Variants in GLI3 observed in about 807,000 individuals in gnomAD.
GLI3 encodes transcription activator GLI3.
A neutral mutation model predicts 100.8 loss-of-function variants in GLI3; 20 were observed. The observed-to-expected ratio is 0.20, with a 90% CI of 0.14 to 0.29. The LOEUF (loss-of-function observed/expected upper bound fraction) is 0.29. GLI3 is among the 10% of genes least tolerant of loss of function. The probability of loss-of-function intolerance (pLI) is 1.00; values close to 1 mark genes in which losing one functional copy is unlikely to be tolerated. For missense variants in GLI3, 2,040 were observed against 2,128.5 expected, an observed-to-expected ratio of 0.96 and a Z score of 0.82; for synonymous variants, 938 against 860.5, an observed-to-expected ratio of 1.09 and a Z score of -1.58.
At chr7:42,089,778 CTT>C (rs1227111082) in intron 3 of GLI3, among the ~76,000 whole-genome samples, 3 of 152,216 alleles carry the variant, frequency 2.0e-5, no homozygotes, top group Admixed American at 2.0e-4. Context: ...GCTAGTAAGA[CTT>C]AACTCTGTTG....
At chr7:42,142,566 T>C (rs1376540856) in intron 3 of GLI3, among the ~76,000 whole-genome samples, 1 of 152,098 alleles carries the variant, frequency 6.6e-6, no homozygotes, top group African/African-American at 2.4e-5. Flanking sequence ...CCCAGTTTCA[T>C]TCACTATCTC....
At chr7:42,117,293 T>G (rs1785883643) in intron 3 of GLI3, among the ~76,000 whole-genome samples, 1 of 152,220 alleles carries the variant, frequency 6.6e-6, no homozygotes, top group South Asian at 2.1e-4. Flanking sequence ...CCTGGATGCC[T>G]CTTTGAGCAA....
chr7:41,990,839 T>C (rs957733363), intron 10 of GLI3, among the ~76,000 whole-genome samples: 11 of 151,598 alleles, frequency 7.3e-5, no homozygotes, highest in South Asian at 4.2e-4. Context: ...GAACTTTCCA[T>C]TGGCAATTAA....
intron 4 of GLI3, among the ~76,000 whole-genome samples, chr7:42,059,161 T>C (rs1489107525): frequency 6.6e-6 from 1 of 152,190 alleles, no homozygotes; most frequent in East Asian, 1.9e-4. Context: ...AAATGGCAGA[T>C]GACAACTTGT....
chr7:42,075,236 T>C (rs932182177), intron 4 of GLI3, among the ~76,000 whole-genome samples: 4 of 152,144 alleles, frequency 2.6e-5, no homozygotes, highest in South Asian at 4.1e-4. Context: ...TTTTAAAAAA[T>C]TGCTCTAGAA....
At chr7:42,249,505 G>A (rs763928006) in intron 1 of GLI3, among the ~76,000 whole-genome samples, 7 of 152,166 alleles carry the variant, frequency 4.6e-5, no homozygotes, top group Non-Finnish European at 1.0e-4. Context: ...GAAAAGGGGT[G>A]AGAGGTTCAA....
intron 1 of GLI3, among the ~76,000 whole-genome samples, chr7:42,250,424 A>T (rs186788666): frequency 3.2e-4 from 49 of 152,328 alleles, no homozygotes; most frequent in African/African-American, 1.2e-3. Context: ...TTCCAGGTAG[A>T]TGGACTTCAG....
At chr7:42,172,004 C>G (rs1013346720) in intron 2 of GLI3, among the ~76,000 whole-genome samples, 1 of 152,014 alleles carries the variant, frequency 6.6e-6, no homozygotes, top group Non-Finnish European at 1.5e-5. Context: ...CTATAGGACT[C>G]GTGCACATTC....
chr7:42,261,209 A>ACACACAAACACACACACG (rs1789136103), intron 1 of GLI3, among the ~76,000 whole-genome samples: 1 of 151,728 alleles, frequency 6.6e-6, no homozygotes, highest in Non-Finnish European at 1.5e-5. Context: ...AAACACACAC[A>ACACACAAACACACACACG]CACACACACA....
At chr7:42,087,529 G>C (rs1015143740) in intron 3 of GLI3, among the ~76,000 whole-genome samples, 2 of 152,170 alleles carry the variant, frequency 1.3e-5, no homozygotes, top group Admixed American at 1.3e-4. Context: ...TCCTGGTTGG[G>C]ACCTTTTGAC....
At chr7:42,052,224 T>C (rs2128743901) in intron 4 of GLI3, among the ~76,000 whole-genome samples, 1 of 152,350 alleles carries the variant, frequency 6.6e-6, no homozygotes, top group Middle Eastern at 3.4e-3. Flanking sequence ...GAAGGAAAAC[T>C]TGGTTATTTC....
At chr7:42,028,341 CACG>C (rs1253199515) in intron 7 of GLI3, among the ~76,000 whole-genome samples, 1 of 152,112 alleles carries the variant, frequency 6.6e-6, no homozygotes, top group African/African-American at 2.4e-5. Flanking sequence ...TTCTGGGAGA[CACG>C]ACATTTGGGG....
intron 13 of GLI3, among the ~76,000 whole-genome samples, chr7:41,969,732 G>A (rs562826267): frequency 1.3e-5 from 2 of 152,282 alleles, no homozygotes; most frequent in South Asian, 4.1e-4. Flanking sequence ...TTCATATAAG[G>A]CACAAATGCA....
chr7:42,168,145 GC>G (rs1455418280), intron 2 of GLI3, among the ~76,000 whole-genome samples: 3 of 152,164 alleles, frequency 2.0e-5, no homozygotes, highest in Non-Finnish European at 4.4e-5. Context: ...AGAAATGATA[GC>G]CTGGTCTTAA....
At chr7:42,025,129 G>A (rs769264390) in intron 9 of GLI3, 135 bp downstream of exon 9, 14 of 666,728 alleles carry the variant, frequency 2.1e-5, no homozygotes, top group Non-Finnish European at 3.5e-5. Context: ...TGTAGAGTAC[G>A]GCCAAGGTCA....
intron 3 of GLI3, among the ~76,000 whole-genome samples, chr7:42,137,154 A>G (rs1196714730): frequency 6.6e-6 from 1 of 152,192 alleles, no homozygotes; most frequent in Non-Finnish European, 1.5e-5. Context: ...AGCAAAGCCC[A>G]TGGCATAACA....
intron 1 of GLI3, among the ~76,000 whole-genome samples, chr7:42,261,199 A>AC (rs1273432302): frequency 3.3e-5 from 4 of 121,480 alleles, no homozygotes; most frequent in South Asian, 2.5e-4. Context: ...ACACACACAC[A>AC]AACACACACA....
chr7:42,040,001 T>A (rs370457204), intron 7 of GLI3, 37 bp downstream of exon 7: 1 of 1,503,240 alleles, frequency 6.7e-7, no homozygotes, highest in African/African-American at 1.4e-5. Context: ...TGACATTACA[T>A]TTAAAAAACA....
At chr7:42,001,494 T>A (rs1788296155) in intron 10 of GLI3, among the ~76,000 whole-genome samples, 1 of 152,188 alleles carries the variant, frequency 6.6e-6, no homozygotes, top group East Asian at 1.9e-4. Context: ...CATTTTCACC[T>A]GATACTTGTC....
Sources: gnomAD v4.1 joint callset for allele counts (sites outside exome capture counted in the v4.1 genomes callset) on GRCh38, gnomAD v4.1.1 for gene constraint, MANE v1.5 for transcripts, NCBI Gene and HGNC (gene_info 2026-07-23, HGNC 2026-07-21) for gene names.